Variants in SAMD5 observed in about 807,000 individuals in gnomAD.
SAMD5 encodes the protein sterile alpha motif domain containing 5.
A neutral mutation model predicts 11.3 loss-of-function variants in SAMD5; 13 were observed. The ratio of observed to expected loss-of-function variants is 1.15; its 90% confidence interval spans 0.75 to 1.83. The LOEUF (loss-of-function observed/expected upper bound fraction) is 1.83. SAMD5 is among the 40% of genes most tolerant of loss of function. The pLI, the probability that SAMD5 is intolerant of heterozygous loss-of-function variation, is 0.00. For missense variants in SAMD5, 255 were observed against 239.1 expected (o/e 1.07, Z -0.44); for synonymous variants, 129 against 111.3 (o/e 1.16, Z -1.00).
chr6:147,799,642 A>G, the SAMD5 span, among the ~76,000 whole-genome samples: 3 of 151,664 alleles, frequency 2.0e-5, no homozygotes, highest in African/African-American at 4.9e-5. Flanking sequence ...GAAATTCTCC[A>G]GGATAATATC....
the SAMD5 span, among the ~76,000 whole-genome samples, chr6:147,787,970 G>C: frequency 7.4e-4 from 113 of 152,238 alleles, 1 homozygote; most frequent in African/African-American, 2.5e-3. Flanking sequence ...TTACATCAAG[G>C]GTTGCATAAG....
At chr6:147,727,380 A>G (rs766496410) in intron 1 of SAMD5, among the ~76,000 whole-genome samples, 26 of 152,124 alleles carry the variant, frequency 1.7e-4, no homozygotes, top group Non-Finnish European at 2.8e-4. Flanking sequence ...AGTTGCCTGT[A>G]TAATGTTTTG....
chr6:147,574,019 T>C (rs542388646), downstream of SAMD5, among the ~76,000 whole-genome samples: 14 of 151,656 alleles, frequency 9.2e-5, no homozygotes, highest in African/African-American at 3.4e-4. Context: ...TCCCAGCTAC[T>C]AGGGAGGCTG....
At position 147,566,588 on chromosome 6, in the gene SAMD5, T is replaced by C. The variant is rs990875409; in HGVS notation, c.*2132T>C. The C allele has an allele frequency of 1.0e-5, 10 of 980,924 alleles. No individual in the cohort carries two copies. The highest frequency in any genetic ancestry group is 6.2e-5 in the Admixed American group (1 of 16,252). 60.8% of individuals were successfully genotyped at this position (980,924 alleles called of 1,614,324 possible). ...GGTTCCTTGGTCATTTCAAGTTTTA[T>C]TTTCTATTAGAGTAATATCTAACTT... On this transcript the variant is annotated 3_prime_UTR_variant, in exon 2 of 2. Coordinates refer to ENST00000367474, the MANE Select transcript of SAMD5 (RefSeq NM_001030060.3).
chr6:147,750,414 A>T, the SAMD5 span, among the ~76,000 whole-genome samples: 1 of 152,156 alleles, frequency 6.6e-6, no homozygotes, highest in Non-Finnish European at 1.5e-5. Flanking sequence ...TTTTCAATTA[A>T]TTATTTAATG....
chr6:147,524,085 AG>A (rs1273638496), intron 1 of SAMD5, among the ~76,000 whole-genome samples: 9 of 152,180 alleles, frequency 5.9e-5, no homozygotes, highest in Non-Finnish European at 1.3e-4. Flanking sequence ...ATTTTAAGTC[AG>A]GGATTTTACT....
the SAMD5 span, among the ~76,000 whole-genome samples, chr6:147,922,014 C>T: frequency 1.3e-5 from 2 of 152,144 alleles, no homozygotes; most frequent in East Asian, 3.8e-4. Flanking sequence ...TTTAAAAACT[C>T]AGTTGCATTT....
At chr6:147,731,710 C>T (rs1161839547) in intron 1 of SAMD5, among the ~76,000 whole-genome samples, 1 of 129,306 alleles carries the variant, frequency 7.7e-6, no homozygotes, top group African/African-American at 2.9e-5. Context: ...CCCTCCTTTC[C>T]TTCCTTCCTT....
the SAMD5 span, among the ~76,000 whole-genome samples, chr6:147,933,476 T>A: frequency 6.6e-6 from 1 of 151,804 alleles, no homozygotes; most frequent in East Asian, 1.9e-4. Flanking sequence ...TGTATTAGGG[T>A]GGAAACTGGA....
At chr6:147,780,420 C>G in the SAMD5 span, among the ~76,000 whole-genome samples, 1 of 152,154 alleles carries the variant, frequency 6.6e-6, no homozygotes, top group South Asian at 2.1e-4. Context: ...GTTGACCAGG[C>G]TGGTCTCGAA....
At chr6:147,587,690 G>A (rs1789395228) in intron 1 of SAMD5, among the ~76,000 whole-genome samples, 1 of 152,152 alleles carries the variant, frequency 6.6e-6, no homozygotes, top group Non-Finnish European at 1.5e-5. Flanking sequence ...TTTTCTGGCT[G>A]GTGAATTTAC....
intron 1 of SAMD5, among the ~76,000 whole-genome samples, chr6:147,587,460 C>T (rs1789390448): frequency 6.6e-6 from 1 of 152,132 alleles, no homozygotes; most frequent in Admixed American, 6.5e-5. Flanking sequence ...TGGTCTCAAA[C>T]TCCTGACCTC....
At chr6:147,620,297 C>G (rs1789940014) in intron 1 of SAMD5, among the ~76,000 whole-genome samples, 1 of 152,180 alleles carries the variant, frequency 6.6e-6, no homozygotes, top group Admixed American at 6.5e-5. Flanking sequence ...TGATTCTTGT[C>G]TCTTCTGCTC....
chr6:147,767,176 C>G, the SAMD5 span, among the ~76,000 whole-genome samples: 1 of 152,168 alleles, frequency 6.6e-6, no homozygotes, highest in South Asian at 2.1e-4. Context: ...AAGTCTACAA[C>G]AGTATCTTAG....
At chr6:147,618,627 G>A (rs1284972832) in intron 1 of SAMD5, among the ~76,000 whole-genome samples, 1 of 152,188 alleles carries the variant, frequency 6.6e-6, no homozygotes. Flanking sequence ...GAGACGGAGA[G>A]TACCACTAAC....
the SAMD5 span, among the ~76,000 whole-genome samples, chr6:147,815,425 G>A: frequency 4.6e-5 from 7 of 152,172 alleles, no homozygotes; most frequent in Admixed American, 4.6e-4. Context: ...GTGTGCCCAG[G>A]TATCTGTGGC....
At chr6:147,782,864 C>T in the SAMD5 span, among the ~76,000 whole-genome samples, 1 of 152,182 alleles carries the variant, frequency 6.6e-6, no homozygotes, top group Non-Finnish European at 1.5e-5. Context: ...TAGTAATATG[C>T]TCCCATTGTA....
the SAMD5 span, among the ~76,000 whole-genome samples, chr6:147,783,455 A>T: frequency 6.6e-6 from 1 of 151,872 alleles, no homozygotes; most frequent in East Asian, 1.9e-4. Context: ...GTGCAGTGGC[A>T]CAATCTCGGC....
At chr6:147,857,823 A>G in the SAMD5 span, among the ~76,000 whole-genome samples, 1 of 152,236 alleles carries the variant, frequency 6.6e-6, no homozygotes, top group Non-Finnish European at 1.5e-5. Context: ...ATAATTTTCC[A>G]TGAAGTTTAC....
Sources: allele counts gnomAD v4.1 joint callset (sites outside exome capture counted in the v4.1 genomes callset), GRCh38; gene constraint gnomAD v4.1.1; transcripts MANE v1.5; gene names NCBI Gene and HGNC (gene_info 2026-07-23, HGNC 2026-07-21).